The following CHST11 variants were observed in gnomAD, a reference collection of about 807,000 sequenced individuals.
CHST11 encodes the protein carbohydrate sulfotransferase 11, also known as C4S-1.
Under a neutral mutation model 30.4 loss-of-function variants are expected in CHST11, and 9 were observed. That is an observed-to-expected ratio of 0.30 (90% CI 0.18 to 0.52). The LOEUF is 0.52. CHST11 is among the 20% of genes least tolerant of loss of function. The probability of loss-of-function intolerance (pLI) is 0.97; values close to 1 mark genes in which losing one functional copy is unlikely to be tolerated. For synonymous variants in CHST11, 152 were observed against 187.8 expected (o/e 0.81, Z 1.56); for missense variants, 348 against 460.6 (o/e 0.76, Z 2.24).
chr12:104,509,655 C>G (rs2037943634), intron 1 of CHST11, among the ~76,000 whole-genome samples: 1 of 152,200 alleles, frequency 6.6e-6, no homozygotes, highest in African/African-American at 2.4e-5. Flanking sequence ...CCCCCGCCCC[C>G]ACAACCATGG....
At chr12:104,472,289 G>T (rs1250456089) in intron 1 of CHST11, among the ~76,000 whole-genome samples, 2 of 151,960 alleles carry the variant, frequency 1.3e-5, no homozygotes, top group East Asian at 1.9e-4. Context: ...TTTCTTAAGG[G>T]GATGTTGTCT....
At chr12:104,678,272 A>C (rs1253270778) in intron 2 of CHST11, among the ~76,000 whole-genome samples, 1 of 152,134 alleles carries the variant, frequency 6.6e-6, no homozygotes, top group Non-Finnish European at 1.5e-5. Flanking sequence ...TCCTTCCCCA[A>C]CATTTCCATT....
intron 2 of CHST11, among the ~76,000 whole-genome samples, chr12:104,626,473 A>G (rs1177859304): frequency 6.6e-6 from 1 of 151,822 alleles, no homozygotes; most frequent in African/African-American, 2.4e-5. Flanking sequence ...GAGAGCTATA[A>G]TACTTTACAG....
chr12:104,513,126 G>GGT (rs1393899226), intron 1 of CHST11, among the ~76,000 whole-genome samples: 2 of 54,820 alleles, frequency 3.6e-5, no homozygotes, highest in South Asian at 6.6e-4. Flanking sequence ...TCATGACTGG[G>GGT]GGGGGGGGGG....
At chr12:104,481,783 C>A (rs11612934) in intron 1 of CHST11, among the ~76,000 whole-genome samples, 15 of 122,046 alleles carry the variant, frequency 1.2e-4, no homozygotes, top group East Asian at 3.4e-4. Context: ...TTCCTTCTTT[C>A]CTTCCTTCCT....
chr12:104,567,036 G>C (rs1325798863), intron 1 of CHST11, among the ~76,000 whole-genome samples: 2 of 152,094 alleles, frequency 1.3e-5, no homozygotes, highest in African/African-American at 4.8e-5. Flanking sequence ...AATTGTTCCT[G>C]ATGGAACACC....
rs749318924 is a variant in CHST11 at position 104,757,611 on chromosome 12, C to T, written c.867C>T (p.Val289=). 5.7e-5 allele frequency: 92 copies of T among 1,614,046 alleles called. No homozygotes were observed. The highest frequency in any genetic ancestry group is 7.5e-5 in the Non-Finnish European group (89 of 1,180,036). The part of the protein sequence containing the change: ...YETLEEDSNY[V]LQLAGVGSYL... ...CACTGGAAGAGGATTCTAATTACGT[C>T]CTGCAGCTGGCAGGAGTGGGCAGCT... Residue 289 remains valine, a synonymous_variant, in exon 3 of 3, where the codon GTC becomes GTT. Transcript: ENST00000303694. This position sits in a 1 kb window ranked among gnomAD's most constrained non-coding sequence, Gnocchi z 6.5.
At chr12:104,679,554 G>A (rs1566035031) in intron 2 of CHST11, among the ~76,000 whole-genome samples, 1 of 152,138 alleles carries the variant, frequency 6.6e-6, no homozygotes, top group East Asian at 1.9e-4. Flanking sequence ...GCCCTCATGC[G>A]AAGTCATTTG....
intron 1 of CHST11, among the ~76,000 whole-genome samples, chr12:104,531,493 GAGAA>G (rs1279742404): frequency 6.6e-6 from 1 of 150,442 alleles, no homozygotes; most frequent in Non-Finnish European, 1.5e-5. Context: ...GAGAGAGAGA[GAGAA>G]AGATTAAGTG....
At chr12:104,560,830 A>G (rs1260000364) in intron 1 of CHST11, among the ~76,000 whole-genome samples, 1 of 152,226 alleles carries the variant, frequency 6.6e-6, no homozygotes, top group Non-Finnish European at 1.5e-5. Flanking sequence ...CATTTCACGC[A>G]TTCTGGGTCT....
intron 2 of CHST11, among the ~76,000 whole-genome samples, chr12:104,671,169 G>C (rs7964130): frequency 0.019 from 2,851 of 152,258 alleles, 53 homozygotes; most frequent in East Asian, 0.058. Flanking sequence ...TTAGCTGACA[G>C]CTAGTCTGCT....
chr12:104,611,100 A>C (rs774011007), intron 2 of CHST11, among the ~76,000 whole-genome samples: 5 of 152,216 alleles, frequency 3.3e-5, no homozygotes, highest in Non-Finnish European at 5.9e-5. Flanking sequence ...TATAAGTCAC[A>C]TATGTCATTT....
chr12:104,470,730 T>C (rs2037500812), intron 1 of CHST11, among the ~76,000 whole-genome samples: 1 of 152,234 alleles, frequency 6.6e-6, no homozygotes, highest in African/African-American at 2.4e-5. Flanking sequence ...AATCCCATTA[T>C]ACAGGTGAGG....
chr12:104,502,430 T>G (rs570344775), intron 1 of CHST11, among the ~76,000 whole-genome samples: 3 of 152,292 alleles, frequency 2.0e-5, no homozygotes, highest in Non-Finnish European at 4.4e-5. Context: ...TTAATAAAGA[T>G]GTACATTTTT....
intron 2 of CHST11, among the ~76,000 whole-genome samples, chr12:104,645,409 A>AGCCAGGG (rs1478669016): frequency 6.6e-6 from 1 of 152,118 alleles, no homozygotes; most frequent in Non-Finnish European, 1.5e-5. Context: ...CCCAACAGAG[A>AGCCAGGG]GCCAGGGGGC....
In CHST11 at chr12:104,565,629, T is replaced by A. The variant is rs192719081; in HGVS notation, c.119-36277T>A. 3.4e-4 allele frequency among the ~76,000 whole-genome samples: 52 copies of A among 152,130 alleles called. No individual in the cohort carries two copies. In the East Asian group the frequency reaches 7.7e-3, roughly 23 times the overall value. ...CCATGGCTCAGGAGGCCCCCAGCAC[T>A]AAGACGCTCTATCACCAGTATTTGA... On this transcript the variant is annotated intron_variant, in intron 1 of 2. Coordinates refer to ENST00000303694, the MANE Select transcript of CHST11 (RefSeq NM_018413.6).
At chr12:104,681,918 C>T (rs1387310720) in intron 2 of CHST11, among the ~76,000 whole-genome samples, 1 of 145,682 alleles carries the variant, frequency 6.9e-6, no homozygotes, top group African/African-American at 2.5e-5. Flanking sequence ...GCGAGCTCTG[C>T]CTCCCAGGTT....
chr12:104,647,882 G>A (rs1026484151), intron 2 of CHST11, among the ~76,000 whole-genome samples: 2 of 152,210 alleles, frequency 1.3e-5, no homozygotes, highest in Non-Finnish European at 2.9e-5. Flanking sequence ...TGGTTATCAA[G>A]TTCGTACTTT....
intron 1 of CHST11, among the ~76,000 whole-genome samples, chr12:104,483,214 G>GT (rs1015304145): frequency 1.3e-5 from 2 of 151,926 alleles, no homozygotes; most frequent in African/African-American, 4.8e-5. Flanking sequence ...GCATTTGGTT[G>GT]TTTTTTGTTG....
Sources: gnomAD v4.1 joint callset for allele counts (sites outside exome capture counted in the v4.1 genomes callset) on GRCh38, gnomAD v4.1.1 for gene constraint, Gnocchi (gnomAD v3.1) non-coding constraint, MANE v1.5 for transcripts, NCBI Gene and HGNC (gene_info 2026-07-23, HGNC 2026-07-21) for gene names.